SLC14A2: variants seen among roughly 807,000 people sequenced by gnomAD.
SLC14A2 encodes the protein urea transporter 2.
In SLC14A2, 91 loss-of-function variants were observed where a neutral mutation model predicts 104.6. The ratio of observed to expected loss-of-function variants is 0.87; its 90% confidence interval spans 0.73 to 1.04. The LOEUF (loss-of-function observed/expected upper bound fraction) is 1.04. SLC14A2 is among the 50% of genes least tolerant of loss of function. SLC14A2 has a pLI of 0.00. For synonymous variants in SLC14A2, 476 were observed against 466.4 expected (o/e 1.02, Z -0.27); for missense variants, 1,189 against 1,156.0 (o/e 1.03, Z -0.41).
chr18:45,187,116 C>T, the SLC14A2 span, among the ~76,000 whole-genome samples: 1 of 152,152 alleles, frequency 6.6e-6, no homozygotes, highest in African/African-American at 2.4e-5. Flanking sequence ...TAAATCACCA[C>T]CCAGGAATAT....
intron 2 of SLC14A2, among the ~76,000 whole-genome samples, chr18:45,487,593 A>G (rs1047988622): frequency 6.6e-6 from 1 of 152,168 alleles, no homozygotes; most frequent in East Asian, 1.9e-4. Context: ...GGGGTCCCCA[A>G]GCATCAAACT....
At chr18:45,647,480 C>T (rs1568312866) in intron 10 of SLC14A2, 1 of 152,046 alleles carries the variant, frequency 6.6e-6, no homozygotes, top group Admixed American at 6.6e-5. Flanking sequence ...TTTGTCCTTT[C>T]TACTTGTTTT....
Position 45,668,030 on chromosome 18 carries a change from C to G in SLC14A2, c.1907+8C>G. On this transcript the variant is annotated splice_region_variant and intron_variant, in intron 14 of 19. Coordinates refer to ENST00000255226, the MANE Select transcript of SLC14A2 (RefSeq NM_007163.4). ...CATCCTGAGTCAGGACAAGTAAGTC[C>G]CAGAGGCTCAGGGTCCAAACATGTA... is the stretch of plus-strand genomic sequence containing the variant. The G allele has an allele frequency of 6.2e-7, 1 of 1,613,504 alleles. No individual in the cohort carries two copies. The highest frequency in any genetic ancestry group is 1.7e-4 in the Middle Eastern group (1 of 6,056).
At position 45,225,100 on chromosome 18, in the gene SLC14A2, T is replaced by C. The variant is rs138030463; in HGVS notation, c.-125+11909T>C. On this transcript the variant is annotated intron_variant, in intron 1 of 20. Coordinates refer to the SLC14A2 transcript ENST00000586448. ...GTCCTGAATGCTATTGCCTAGGTTT[T>C]CTTCTAGGGTTTTTATGGTTCTAGG... Among the ~76,000 whole-genome samples the C allele has an allele frequency of 3.0e-3, 459 of 152,342 alleles. 3 individuals are homozygous for C. Among genetic ancestry groups the C allele is most frequent in the African/African-American group, 0.01 (429 of 41,580 alleles).
chr18:45,585,152 C>CCTCCTT (rs1296895670), intron 2 of SLC14A2, among the ~76,000 whole-genome samples: 2 of 152,284 alleles, frequency 1.3e-5, no homozygotes, highest in Non-Finnish European at 2.9e-5. Context: ...TCCTCCTCCT[C>CCTCCTT]CTCCTTCCTG....
intron 2 of SLC14A2, among the ~76,000 whole-genome samples, chr18:45,503,658 T>C (rs1180637828): frequency 6.6e-6 from 1 of 152,204 alleles, no homozygotes; most frequent in Non-Finnish European, 1.5e-5. Context: ...GCAACTCTAG[T>C]TAAAATGCTA....
rs553798070 is a variant in SLC14A2, at chr18:45,339,618, C to T, written c.-125+126427C>T. Among the ~76,000 whole-genome samples, 9 of 152,178 alleles carry T rather than the reference C, an allele frequency of 5.9e-5. No individual in the cohort carries two copies. In the East Asian group the frequency reaches 1.5e-3, roughly 26 times the overall value. ...ATGCTATCTGCATTTTGAAGTAAAT[C>T]GCAAACAATATAACTACATGGAGAA... On this transcript the variant is annotated intron_variant, in intron 1 of 20. Transcript: ENST00000586448.
At chr18:45,333,442 T>A (rs1033682615) in intron 1 of SLC14A2, among the ~76,000 whole-genome samples, 1 of 152,224 alleles carries the variant, frequency 6.6e-6, no homozygotes, top group Non-Finnish European at 1.5e-5. Flanking sequence ...GGTATTTTCT[T>A]GAAATTCAAA....
In SLC14A2 at chr18:45,516,264, T is replaced by C. The variant is rs189655694; in HGVS notation, c.-35+32942T>C. ...TTCCATTCTTTCCTCCCTCCCTTCT[T>C]CCTTTCCTTCCTTTCTCTTTCTTTC... On this transcript the variant is annotated intron_variant, in intron 2 of 20. Coordinates refer to the SLC14A2 transcript ENST00000586448. Among the ~76,000 whole-genome samples, 88 of 152,272 alleles carry C rather than the reference T, an allele frequency of 5.8e-4. 1 individual carries two copies. The East Asian group carries it at 0.014, about 23-fold the overall frequency.
At chr18:45,346,102 A>G (rs1264447440) in intron 1 of SLC14A2, among the ~76,000 whole-genome samples, 3 of 152,052 alleles carry the variant, frequency 2.0e-5, no homozygotes, top group East Asian at 1.9e-4. Context: ...CATGATCTGT[A>G]TTTTCTCTTC....
intron 1 of SLC14A2, among the ~76,000 whole-genome samples, chr18:45,341,389 T>G (rs900279422): frequency 1.3e-5 from 2 of 152,304 alleles, no homozygotes; most frequent in South Asian, 4.1e-4. Context: ...CACAGAGTGG[T>G]GAAAAATTAC....
intron 1 of SLC14A2, among the ~76,000 whole-genome samples, chr18:45,219,717 A>T (rs943813831): frequency 1.3e-5 from 2 of 152,218 alleles, no homozygotes; most frequent in African/African-American, 4.8e-5. Flanking sequence ...CTGCGTTTTT[A>T]AACTTTCCTA....
At chr18:45,400,393 A>T (rs560401566) in intron 1 of SLC14A2, among the ~76,000 whole-genome samples, 53 of 152,178 alleles carry the variant, frequency 3.5e-4, no homozygotes, top group Non-Finnish European at 6.2e-4. Context: ...CAGGTTATGG[A>T]TTTCAGTCAG....
At chr18:45,303,278 C>T (rs1382921330) in intron 1 of SLC14A2, among the ~76,000 whole-genome samples, 2 of 152,184 alleles carry the variant, frequency 1.3e-5, no homozygotes, top group Admixed American at 1.3e-4. Flanking sequence ...AGTTTGAACA[C>T]TTAGCAGTCT....
chr18:45,371,687 T>A (rs1448909935), intron 1 of SLC14A2, among the ~76,000 whole-genome samples: 2 of 152,146 alleles, frequency 1.3e-5, no homozygotes, highest in Non-Finnish European at 2.9e-5. Flanking sequence ...TTACTAACTC[T>A]CTCCTGAGGA....
intron 2 of SLC14A2, among the ~76,000 whole-genome samples, chr18:45,606,485 C>T (rs1025362614): frequency 2.0e-5 from 3 of 152,084 alleles, no homozygotes; most frequent in African/African-American, 7.2e-5. Flanking sequence ...TCCAAGGCCA[C>T]CACTGAAACT....
chr18:45,365,254 CT>C (rs1320641964), intron 1 of SLC14A2, among the ~76,000 whole-genome samples: 1 of 152,238 alleles, frequency 6.6e-6, no homozygotes, highest in African/African-American at 2.4e-5. Flanking sequence ...TTTTCTAGCT[CT>C]GTGACCTTGT....
intron 10 of SLC14A2, among the ~76,000 whole-genome samples, chr18:45,661,509 C>A (rs1015259544): frequency 2.0e-5 from 3 of 152,174 alleles, no homozygotes; most frequent in Admixed American, 6.5e-5. Flanking sequence ...CTGAGAGACC[C>A]AAATGCAATT....
the SLC14A2 span, chr18:45,180,943 G>A: frequency 1.3e-5 from 2 of 152,218 alleles, no homozygotes; most frequent in African/African-American, 2.4e-5. Flanking sequence ...TCTAGGGTGA[G>A]AAGGGGATTC....
Sources: allele counts gnomAD v4.1 joint callset (sites outside exome capture counted in the v4.1 genomes callset), GRCh38; gene constraint gnomAD v4.1.1; transcripts MANE v1.5; gene names NCBI Gene and HGNC (gene_info 2026-07-23, HGNC 2026-07-21).